Variants in ACBD3 observed in about 807,000 individuals in gnomAD.
The protein encoded by ACBD3 is Golgi resident protein GCP60.
A neutral mutation model predicts 66.9 loss-of-function variants in ACBD3; 30 were observed. That is an observed-to-expected ratio of 0.45 (90% CI 0.34 to 0.61). The LOEUF (loss-of-function observed/expected upper bound fraction) is 0.61. ACBD3 is among the 20% of genes least tolerant of loss of function. The probability of loss-of-function intolerance (pLI) is 0.02; values close to 1 mark genes in which losing one functional copy is unlikely to be tolerated. For synonymous variants in ACBD3, 278 were observed against 259.8 expected (o/e 1.07, Z -0.68); for missense variants, 544 against 664.5 (o/e 0.82, Z 1.99).
chr1:226,159,122 C>G, intron 5 of ACBD3, 62 bp downstream of exon 5: 1 of 1,565,724 alleles, frequency 6.4e-7, no homozygotes, highest in Non-Finnish European at 8.7e-7. Context: ...TAAAAAAGAA[C>G]TTGGGTTCCA....
At chr1:226,155,129 AAAGT>A (rs1402746754) in intron 5 of ACBD3, 1 of 200,990 alleles carries the variant, frequency 5.0e-6, no homozygotes, top group Non-Finnish European at 9.9e-6. Flanking sequence ...AGGAAAAATG[AAAGT>A]AAGGCCAGCC....
Position 226,154,678 on chromosome 1 carries a change from A to C in ACBD3, c.1059T>G (p.Ala353=). 1 of 1,613,314 alleles carries C rather than the reference A, an allele frequency of 6.2e-7. No homozygotes were observed. The highest frequency in any genetic ancestry group is 8.5e-7 in the Non-Finnish European group (1 of 1,179,590). Reference sequence around the variant, plus strand: ...GTCCATTCTCCAGGGCTTCTTCTGCAGCTTCTGGTTCCAGTTCTTTTTCGG... The same window carrying C: ...GTCCATTCTCCAGGGCTTCTTCTGCCGCTTCTGGTTCCAGTTCTTTTTCGG... The part of the protein sequence containing the change: ...DSSEKELEPE[A]AEEALENGPK... Residue 353 remains alanine (A), a synonymous_variant, in exon 6 of 8, where the codon GCT becomes GCG. Coordinates refer to ENST00000366812, the MANE Select transcript of ACBD3 (RefSeq NM_022735.4).
intron 1 of ACBD3, among the ~76,000 whole-genome samples, chr1:226,173,663 GCT>G (rs1655919742): frequency 2.0e-5 from 3 of 151,512 alleles, no homozygotes; most frequent in Admixed American, 1.3e-4. Flanking sequence ...AAAGGTTACA[GCT>G]CTCTTACTCT....
At chr1:226,160,493 C>T (rs1346745823) in intron 4 of ACBD3, among the ~76,000 whole-genome samples, 2 of 152,186 alleles carry the variant, frequency 1.3e-5, no homozygotes, top group Admixed American at 6.6e-5. Context: ...CTCCTACATA[C>T]AGCACAACAT....
intron 7 of ACBD3, among the ~76,000 whole-genome samples, chr1:226,150,217 C>T (rs2102773834): frequency 6.6e-6 from 1 of 151,850 alleles, no homozygotes; most frequent in African/African-American, 2.4e-5. Flanking sequence ...TGCCACCACA[C>T]CCACCTAACT....
At chr1:226,170,314 C>A (rs1409183440) in intron 1 of ACBD3, among the ~76,000 whole-genome samples, 8 of 147,236 alleles carry the variant, frequency 5.4e-5, no homozygotes, top group African/African-American at 2.0e-4. Context: ...CCCGCCACCA[C>A]GCCCAGCTAA....
At chr1:226,182,388 G>A (rs576524838) in intron 1 of ACBD3, among the ~76,000 whole-genome samples, 9 of 152,240 alleles carry the variant, frequency 5.9e-5, no homozygotes, top group South Asian at 4.2e-4. Flanking sequence ...AGGCCGAGGC[G>A]GGGAGATCAT....
chr1:226,165,303 T>C (rs1256828918), intron 2 of ACBD3, among the ~76,000 whole-genome samples: 1 of 152,024 alleles, frequency 6.6e-6, no homozygotes, highest in Non-Finnish European at 1.5e-5. Flanking sequence ...CCCGAGTAGG[T>C]AGGATTACAG....
chr1:226,160,416 T>A (rs1659749799), intron 4 of ACBD3, among the ~76,000 whole-genome samples: 2 of 152,168 alleles, frequency 1.3e-5, no homozygotes, highest in Admixed American at 1.3e-4. Flanking sequence ...TTAACTTACT[T>A]ATGTGACCAA....
At chr1:226,165,001 A>G (rs551726315) in intron 2 of ACBD3, 72 bp from the exon 3 acceptor site, 1 of 1,404,450 alleles carries the variant, frequency 7.1e-7, no homozygotes, top group Non-Finnish European at 9.5e-7. Flanking sequence ...AAACCTAAAT[A>G]TGAATAATTC....
chr1:226,161,146 C>CTTTTTTTTTTTTTTTT (rs369852670), intron 4 of ACBD3, among the ~76,000 whole-genome samples: 2 of 134,266 alleles, frequency 1.5e-5, no homozygotes, highest in Non-Finnish European at 3.1e-5. Context: ...TAATACATTC[C>CTTTTTTTTTTTTTTTT]TTTTTTTTTT....
chr1:226,175,059 T>C (rs2889536), intron 1 of ACBD3, among the ~76,000 whole-genome samples: 91,713 of 144,446 alleles, frequency 0.63, 29,345 homozygotes, highest in African/African-American at 0.7. Context: ...TGCCACTGTG[T>C]TCCAGCCTGA....
intron 7 of ACBD3, among the ~76,000 whole-genome samples, chr1:226,151,762 C>T (rs137961446): frequency 0.035 from 5,361 of 152,222 alleles, 293 homozygotes; most frequent in African/African-American, 0.12. Context: ...AATCCCAGCA[C>T]TTTGGGAGGC....
At chr1:226,171,340 G>A (rs550928672) in intron 1 of ACBD3, among the ~76,000 whole-genome samples, 1 of 152,048 alleles carries the variant, frequency 6.6e-6, no homozygotes, top group East Asian at 1.9e-4. Flanking sequence ...GTAGGGACGA[G>A]GTTTTACCAT....
intron 1 of ACBD3, among the ~76,000 whole-genome samples, chr1:226,182,558 G>T (rs935920332): frequency 1.3e-5 from 2 of 152,232 alleles, no homozygotes; most frequent in Admixed American, 6.5e-5. Context: ...AGGTTGCAGG[G>T]AGTGGAGATC....
At chr1:226,164,116 TAAAAAAAA>T (rs1165905762) in intron 3 of ACBD3, among the ~76,000 whole-genome samples, 3 of 51,556 alleles carry the variant, frequency 5.8e-5, no homozygotes, top group African/African-American at 1.8e-4. Flanking sequence ...GACTCCATCT[TAAAAAAAA>T]AAAAAAAAAA....
intron 7 of ACBD3, among the ~76,000 whole-genome samples, chr1:226,151,859 T>C (rs1659578415): frequency 6.6e-6 from 1 of 151,866 alleles, no homozygotes; most frequent in South Asian, 2.1e-4. Context: ...TACAAAAAAT[T>C]AGCCGGGCAC....
intron 6 of ACBD3, 91 bp downstream of exon 6, chr1:226,154,556 C>T: frequency 2.1e-6 from 3 of 1,417,350 alleles, no homozygotes; most frequent in Non-Finnish European, 2.9e-6. Flanking sequence ...TGTAATTGTT[C>T]TCAAAAGCTA....
At chr1:226,162,538 C>T (rs1260593382) in intron 3 of ACBD3, among the ~76,000 whole-genome samples, 1 of 152,136 alleles carries the variant, frequency 6.6e-6, no homozygotes, top group Non-Finnish European at 1.5e-5. Context: ...TCACCCACCC[C>T]ACAAGACCCT....
Sources: allele counts gnomAD v4.1 joint callset (sites outside exome capture counted in the v4.1 genomes callset), GRCh38; gene constraint gnomAD v4.1.1; transcripts MANE v1.5; gene names NCBI Gene and HGNC (gene_info 2026-07-23, HGNC 2026-07-21).